Variants in HACL1 observed in about 807,000 individuals in gnomAD.
HACL1 encodes the protein 2-hydroxyacyl-CoA lyase 1, also known as 1600020H07Rik.
In HACL1, 64 loss-of-function variants were observed where a neutral mutation model predicts 74.2. The ratio of observed to expected loss-of-function variants is 0.86; its 90% CI spans 0.70 to 1.06. HACL1 has a LOEUF of 1.06. HACL1 is among the 50% of genes least tolerant of loss of function. The pLI is 0.00. For missense variants in HACL1, 728 were observed against 719.7 expected, an observed-to-expected ratio of 1.01 and a Z score of -0.13; for synonymous variants, 230 against 238.8, an observed-to-expected ratio of 0.96 and a Z score of 0.34.
intron 14 of HACL1, 26 bp downstream of exon 14, chr3:15,567,818 T>C: frequency 6.3e-7 from 1 of 1,591,128 alleles, no homozygotes; most frequent in Non-Finnish European, 8.6e-7. Flanking sequence ...GAGAATCAAA[T>C]GCTCTGATTC....
At chr3:15,593,072 AGT>A (rs771130122) in intron 3 of HACL1, among the ~76,000 whole-genome samples, 22 of 148,956 alleles carry the variant, frequency 1.5e-4, no homozygotes, top group Non-Finnish European at 2.1e-4. Context: ...TCTCAAAAAA[AGT>A]GTATATATAC....
intron 8 of HACL1, among the ~76,000 whole-genome samples, chr3:15,581,045 G>A (rs572546666): frequency 6.6e-6 from 1 of 152,312 alleles, no homozygotes; most frequent in Admixed American, 6.5e-5. Context: ...GGGATTACAG[G>A]CGCCTGCCAC....
chr3:15,567,797 T>C, intron 14 of HACL1, 47 bp downstream of exon 14: 1 of 1,557,452 alleles, frequency 6.4e-7, no homozygotes, highest in Non-Finnish European at 8.9e-7. Flanking sequence ...TGTGTCATTT[T>C]TCATATTCTA....
intron 2 of HACL1, 69 bp from the exon 3 acceptor site, chr3:15,596,493 C>T (rs776426533): frequency 6.8e-6 from 6 of 877,706 alleles, no homozygotes; most frequent in Middle Eastern, 2.2e-4. Flanking sequence ...CAGCAACTTA[C>T]TATTAAATAA....
chr3:15,590,942 G>A (rs1009050347), intron 4 of HACL1, among the ~76,000 whole-genome samples: 1 of 152,276 alleles, frequency 6.6e-6, no homozygotes, highest in African/African-American at 2.4e-5. Context: ...TTAGCCGGGC[G>A]TGGTGGCAGG....
At chr3:15,598,571 C>T (rs2064116687) in intron 2 of HACL1, among the ~76,000 whole-genome samples, 1 of 152,184 alleles carries the variant, frequency 6.6e-6, no homozygotes, top group African/African-American at 2.4e-5. Context: ...GTAAAACACT[C>T]AAAATAGTGC....
intron 14 of HACL1, among the ~76,000 whole-genome samples, chr3:15,565,547 A>C (rs2063419480): frequency 6.6e-6 from 1 of 152,240 alleles, no homozygotes; most frequent in Non-Finnish European, 1.5e-5. Context: ...GAAAAGGTTG[A>C]TTAAATGTTA....
intron 6 of HACL1, 94 bp from the exon 7 acceptor site, chr3:15,585,436 T>C (rs1235858195): frequency 9.4e-5 from 70 of 742,050 alleles, no homozygotes; most frequent in Non-Finnish European, 1.3e-4. Flanking sequence ...ATGAACACTT[T>C]TCATTTTTCT....
intron 5 of HACL1, among the ~76,000 whole-genome samples, chr3:15,588,384 G>C (rs2063828958): frequency 6.6e-6 from 1 of 152,144 alleles, no homozygotes; most frequent in African/African-American, 2.4e-5. Flanking sequence ...CTTGAGGTCA[G>C]GAGTTCAAGA....
chr3:15,598,056 C>T (rs2064103742), intron 2 of HACL1, among the ~76,000 whole-genome samples: 1 of 149,836 alleles, frequency 6.7e-6, no homozygotes, highest in South Asian at 2.1e-4. Flanking sequence ...CGGAGTTTCG[C>T]TCTTGTTGCC....
intron 9 of HACL1, among the ~76,000 whole-genome samples, chr3:15,577,401 T>TGG (rs2063645783): frequency 1.3e-5 from 2 of 150,100 alleles, no homozygotes; most frequent in South Asian, 4.2e-4. Context: ...ATGACAGTAA[T>TGG]AAACTACAGA....
intron 7 of HACL1, among the ~76,000 whole-genome samples, chr3:15,584,742 G>A (rs1206398295): frequency 6.6e-6 from 1 of 152,158 alleles, no homozygotes; most frequent in Non-Finnish European, 1.5e-5. Flanking sequence ...TCTATCAGGG[G>A]ATGATTTAGA....
Position 15,591,452 on chromosome 3 carries a change from C to G in HACL1, c.308+148G>C, listed in dbSNP as rs374440362. The G allele has an allele frequency of 1.5e-4, 78 of 512,940 alleles. No individual in the cohort carries two copies. In the South Asian group the frequency reaches 1.9e-3, roughly 13 times the overall value. 31.8% of individuals were successfully genotyped at this position (512,940 alleles called of 1,614,324 possible). On this transcript the variant is annotated intron_variant, in intron 4 of 16. Transcript: ENST00000321169. Reference sequence around the variant, plus strand: ...CCCCTCCTCCTCCTCATTCCCTCCCCGGTAACTAACTCTACTTTCAGTTTC... The same window carrying G: ...CCCCTCCTCCTCCTCATTCCCTCCCGGGTAACTAACTCTACTTTCAGTTTC...
intron 14 of HACL1, among the ~76,000 whole-genome samples, chr3:15,565,089 C>T (rs147930428): frequency 0.011 from 1,608 of 151,894 alleles, 28 homozygotes; most frequent in African/African-American, 0.037. Context: ...CGCTTGAACC[C>T]GGGAGGCGGA....
At chr3:15,583,015 A>G (rs765187254) in intron 7 of HACL1, 26 bp from the exon 8 acceptor site, 2 of 1,050,206 alleles carry the variant, frequency 1.9e-6, no homozygotes, top group Admixed American at 4.1e-5. Flanking sequence ...CCTATTAATT[A>G]AAAGAGGCCA....
chr3:15,572,600 T>C (rs2063554189), intron 11 of HACL1, among the ~76,000 whole-genome samples: 1 of 152,250 alleles, frequency 6.6e-6, no homozygotes, highest in African/African-American at 2.4e-5. Context: ...TTATATCCTA[T>C]ATTGTGTAAT....
At chr3:15,593,723 C>G (rs552884863) in intron 3 of HACL1, among the ~76,000 whole-genome samples, 4 of 148,902 alleles carry the variant, frequency 2.7e-5, no homozygotes, top group Admixed American at 1.3e-4. Context: ...AATATAACGT[C>G]GACTGATCTT....
chr3:15,591,381 T>A (rs1022357230), intron 4 of HACL1, among the ~76,000 whole-genome samples: 3 of 152,180 alleles, frequency 2.0e-5, no homozygotes, highest in African/African-American at 7.2e-5. Context: ...CCAGGCTTTA[T>A]CGTACTTGAC....
At chr3:15,592,107 A>ACATGCATGTATATATG (rs1173890071) in intron 3 of HACL1, among the ~76,000 whole-genome samples, 1 of 139,442 alleles carries the variant, frequency 7.2e-6, no homozygotes, top group Non-Finnish European at 1.5e-5. Flanking sequence ...ATATACGTAT[A>ACATGCATGTATATATG]TATACACACT....
Sources: gnomAD v4.1 joint callset for allele counts (sites outside exome capture counted in the v4.1 genomes callset) on GRCh38, gnomAD v4.1.1 for gene constraint, MANE v1.5 for transcripts, NCBI Gene and HGNC (gene_info 2026-07-23, HGNC 2026-07-21) for gene names.